Variants in DYNC1I2 observed in about 807,000 individuals in gnomAD.
DYNC1I2 encodes cytoplasmic dynein 1 intermediate chain 2.
In DYNC1I2, 53 loss-of-function variants were observed where a neutral mutation model predicts 88.6. That is an observed-to-expected ratio of 0.60 (90% CI 0.48 to 0.75). The LOEUF is 0.75. Ranked by LOEUF, DYNC1I2 falls within the 30% of genes least tolerant of loss-of-function variation. The probability of loss-of-function intolerance (pLI) is 0.00; values close to 1 mark genes in which losing one functional copy is unlikely to be tolerated. For missense variants in DYNC1I2, 458 were observed against 766.6 expected, an observed-to-expected ratio of 0.60 and a Z score of 4.75; for synonymous variants, 198 against 254.6, an observed-to-expected ratio of 0.78 and a Z score of 2.12.
At chr2:171,692,491 T>C (rs1384143228) in intron 2 of DYNC1I2, among the ~76,000 whole-genome samples, 1 of 152,198 alleles carries the variant, frequency 6.6e-6, no homozygotes, top group Non-Finnish European at 1.5e-5. Flanking sequence ...TGTAGATAAT[T>C]CGAAGTTGAC....
chr2:171,694,906 G>C (rs1161297965), intron 3 of DYNC1I2, among the ~76,000 whole-genome samples: 2 of 152,036 alleles, frequency 1.3e-5, no homozygotes, highest in Non-Finnish European at 2.9e-5. Context: ...TCCAACACTG[G>C]GGATTACATC....
chr2:171,706,633 A>C, intron 4 of DYNC1I2, 69 bp downstream of exon 4: 1 of 1,420,224 alleles, frequency 7.0e-7, no homozygotes, highest in Non-Finnish European at 9.9e-7. Flanking sequence ...CATAATGTCT[A>C]GAAGGCATGC....
chr2:171,726,443 C>G lies in DYNC1I2; in HGVS notation c.870+150C>G, dbSNP rs1032325057. The G allele has an allele frequency of 2.2e-5, 13 of 602,404 alleles. No individual in the cohort carries two copies. The Admixed American group carries it at 3.6e-4, about 17-fold the overall frequency. 37.3% of individuals were successfully genotyped at this position (602,404 alleles called of 1,614,324 possible). A position where few individuals can be genotyped will look rare whatever the true frequency, so the allele number is the denominator to read the frequency against. On this transcript the variant is annotated intron_variant, in intron 10 of 17. Coordinates refer to ENST00000397119, the MANE Select transcript of DYNC1I2 (RefSeq NM_001378.3). ...ATGGTTCTAATGTTAACATACTCAT[C>G]TTATGTACTTTGGAAGAAAGATTAG...
intron 6 of DYNC1I2, among the ~76,000 whole-genome samples, chr2:171,714,567 T>C (rs1042179411): frequency 2.0e-5 from 3 of 152,152 alleles, no homozygotes; most frequent in Non-Finnish European, 2.9e-5. Flanking sequence ...AGATAGCTAA[T>C]AAAATATATT....
intron 7 of DYNC1I2, among the ~76,000 whole-genome samples, chr2:171,716,105 A>G (rs757324034): frequency 2.6e-5 from 4 of 152,132 alleles, no homozygotes; most frequent in East Asian, 1.9e-4. Context: ...ATGAATTTAT[A>G]TCATACAAAA....
intron 3 of DYNC1I2, among the ~76,000 whole-genome samples, chr2:171,695,745 G>C (rs989490621): frequency 3.3e-5 from 5 of 152,098 alleles, no homozygotes; most frequent in Admixed American, 2.0e-4. Context: ...CTATGTTATT[G>C]TATATAAGAC....
intron 15 of DYNC1I2, among the ~76,000 whole-genome samples, chr2:171,736,046 A>T (rs991202201): frequency 1.3e-5 from 2 of 152,206 alleles, no homozygotes; most frequent in African/African-American, 4.8e-5. Flanking sequence ...CCCTCCTTAT[A>T]TTAATAGCTT....
intron 15 of DYNC1I2, among the ~76,000 whole-genome samples, chr2:171,732,807 C>G (rs572773287): frequency 7.2e-4 from 109 of 152,250 alleles, no homozygotes; most frequent in Middle Eastern, 3.4e-3. Context: ...ACAGGAGACA[C>G]ATTTTTGTTA....
chr2:171,693,336 G>A (rs1423682456), intron 3 of DYNC1I2, among the ~76,000 whole-genome samples: 2 of 152,138 alleles, frequency 1.3e-5, no homozygotes, highest in Non-Finnish European at 1.5e-5. Context: ...TAAGCTTATA[G>A]CCTTCTGCTG....
At position 171,704,141 on chromosome 2, in the gene DYNC1I2, C is replaced by T. The variant is rs184280925; in HGVS notation, c.227-2406C>T. ...TCTAAATCTAGGTGCATTCCCAGGT[C>T]CTTTGTGGTCTAAAAATATTCTAGT... On this transcript the variant is annotated intron_variant, in intron 3 of 17. Transcript: ENST00000397119. Among the ~76,000 whole-genome samples, 68 of 152,232 alleles carry T rather than the reference C, an allele frequency of 4.5e-4. No homozygotes were observed. The East Asian group carries it at 0.011, about 24-fold the overall frequency.
chr2:171,720,381 T>C (rs1479738227), intron 7 of DYNC1I2, among the ~76,000 whole-genome samples: 3 of 152,222 alleles, frequency 2.0e-5, no homozygotes, highest in Non-Finnish European at 4.4e-5. Flanking sequence ...TAATCACTTA[T>C]TGCATGATCT....
At position 171,712,832 on chromosome 2, in the gene DYNC1I2, G is replaced by A. The variant is rs779152107; in HGVS notation, c.395+6G>A. 5 of 1,611,096 alleles carry A rather than the reference G, an allele frequency of 3.1e-6. No homozygotes were observed. The African/African-American group carries it at 6.7e-5, about 22-fold the overall frequency. ...CACTCAGATTCCGATTTGGGGTATT[G>A]AATAGATTTTTTACCTTCCCTGTTT... On this transcript the variant is annotated splice_donor_region_variant and intron_variant, in intron 6 of 17. Coordinates refer to ENST00000397119, the MANE Select transcript of DYNC1I2 (RefSeq NM_001378.3).
intron 16 of DYNC1I2, among the ~76,000 whole-genome samples, chr2:171,745,127 A>T (rs1275427899): frequency 6.6e-6 from 1 of 152,178 alleles, no homozygotes; most frequent in Non-Finnish European, 1.5e-5. Context: ...ATTTTTTAAA[A>T]ATTTTATCAT....
chr2:171,743,633 T>G (rs948714937), intron 15 of DYNC1I2, among the ~76,000 whole-genome samples: 1 of 152,216 alleles, frequency 6.6e-6, no homozygotes, highest in African/African-American at 2.4e-5. Flanking sequence ...TTTGGAAGTT[T>G]GTCTCCTGAT....
chr2:171,725,598 G>GTTTTTTTTTTTTTTTTT lies in DYNC1I2; in HGVS notation c.512-4_512-3insTTTTTTTTTTTTTTTTT. On this transcript the variant is annotated intron_variant, in intron 7 of 17. Coordinates refer to ENST00000397119, the MANE Select transcript of DYNC1I2 (RefSeq NM_001378.3). ...ATTCTGTTTTTTTGTTTTTTTGTTT[G>GTTTTTTTTTTTTTTTTT]TTTTTTTTTTTTTTTTCAGATGAAG... The GTTTTTTTTTTTTTTTTT allele has an allele frequency of 1.1e-6, 1 of 894,262 alleles. No homozygotes were observed. The highest frequency in any genetic ancestry group is 2.3e-5 in the South Asian group (1 of 42,984). 55.4% of individuals were successfully genotyped at this position (894,262 alleles called of 1,614,324 possible).
intron 15 of DYNC1I2, among the ~76,000 whole-genome samples, chr2:171,739,854 C>T (rs1001954624): frequency 1.3e-5 from 2 of 151,670 alleles, no homozygotes; most frequent in African/African-American, 2.4e-5. Context: ...CACAGGCGCC[C>T]GCCACCATGC....
intron 5 of DYNC1I2, among the ~76,000 whole-genome samples, chr2:171,709,977 A>G (rs1686984140): frequency 6.6e-6 from 1 of 152,170 alleles, no homozygotes; most frequent in African/African-American, 2.4e-5. Context: ...TCAGCCTCCC[A>G]AAGTGCTGGG....
chr2:171,698,238 C>A (rs1254756958), intron 3 of DYNC1I2, among the ~76,000 whole-genome samples: 1 of 152,160 alleles, frequency 6.6e-6, no homozygotes, highest in Non-Finnish European at 1.5e-5. Flanking sequence ...TTGGCTAAAG[C>A]TCTTCTGTAA....
At chr2:171,734,576 T>C (rs1340929716) in intron 15 of DYNC1I2, among the ~76,000 whole-genome samples, 1 of 152,184 alleles carries the variant, frequency 6.6e-6, no homozygotes. Context: ...CCCTCCAGTG[T>C]TACTGTACAA....
Sources: gnomAD v4.1 joint callset for allele counts (sites outside exome capture counted in the v4.1 genomes callset) on GRCh38, gnomAD v4.1.1 for gene constraint, MANE v1.5 for transcripts, NCBI Gene and HGNC (gene_info 2026-07-23, HGNC 2026-07-21) for gene names.